KDM4D: variants seen among roughly 807,000 people sequenced by gnomAD.
KDM4D encodes the protein lysine demethylase 4D.
For missense variants in KDM4D, 427 were observed against 674.8 expected, an observed-to-expected ratio of 0.63 and a Z score of 4.07; for synonymous variants, 254 against 249.1, an observed-to-expected ratio of 1.02 and a Z score of -0.19.
rs1555099502 is a variant in KDM4D at position 94,998,263 on chromosome 11, T to C, written c.891T>C (p.Thr297=). Residue 297 remains threonine (T), a synonymous_variant, in exon 3 of 3, where the codon ACT becomes ACC. Coordinates refer to ENST00000335080, the MANE Select transcript of KDM4D (RefSeq NM_018039.3). This position sits in a 1 kb window ranked among gnomAD's most constrained non-coding sequence, Gnocchi z 6.7. ...GCGCAGAGGCCATCAATTTTGCCAC[T>C]CCGCGATGGATTGATTATGGCAAAA... is the stretch of plus-strand genomic sequence containing the variant. ...FNCAEAINFA[T]PRWIDYGKMA... The C allele has an allele frequency of 3.7e-6, 6 of 1,614,108 alleles. No homozygotes were observed. Among genetic ancestry groups the C allele is most frequent in the Admixed American group, 1.7e-5 (1 of 60,010 alleles).
In KDM4D at chr11:94,978,297, A is replaced by C. The variant is rs587734149; in HGVS notation, c.-350+2549A>C. On this transcript the variant is annotated intron_variant, in intron 2 of 2. Transcript: ENST00000335080. ...GTTTCTTTGTGGCTTTTAAATAGGA[A>C]TACGAAAAAAAAAATGCCCACATGT... is the stretch of plus-strand genomic sequence containing the variant. 1.1e-4 allele frequency among the ~76,000 whole-genome samples: 16 copies of C among 152,322 alleles called. No homozygotes were observed. In the South Asian group the frequency reaches 3.3e-3, roughly 32 times the overall value.
chr11:94,979,024 C>G (rs1484811450), intron 2 of KDM4D, among the ~76,000 whole-genome samples: 1 of 152,020 alleles, frequency 6.6e-6, no homozygotes, highest in Non-Finnish European at 1.5e-5. Flanking sequence ...CAACATTGAT[C>G]TACTATATAA....
At position 94,998,065 on chromosome 11, in the gene KDM4D, C is replaced by T. The variant is rs1857989898; in HGVS notation, c.693C>T (p.Phe231=). The part of the protein sequence containing the change: ...QRLERLAREL[F]PGSSRGCGAF... ...TGGAACGCCTGGCCAGGGAGCTCTT[C>T]CCAGGCAGTTCCCGGGGTTGTGGGG... The change falls in exon 3 of 3, where the codon TTC becomes TTT. Residue 231 remains phenylalanine (F), a synonymous_variant. Coordinates refer to ENST00000335080, the MANE Select transcript of KDM4D (RefSeq NM_018039.3). The surrounding 1 kb of genome is among the most constrained non-coding windows in gnomAD (Gnocchi z 6.7). 1 of 1,614,038 alleles carries T rather than the reference C, an allele frequency of 6.2e-7. No homozygotes were observed. Among genetic ancestry groups the T allele is most frequent in the South Asian group, 1.1e-5 (1 of 91,080 alleles).
rs782608673 is a variant in KDM4D at position 94,998,730 on chromosome 11, G to T, written c.1358G>T (p.Arg453Leu). 1 of 1,614,068 alleles carries T rather than the reference G, an allele frequency of 6.2e-7. No individual in the cohort carries two copies. The highest frequency in any genetic ancestry group is 1.7e-5 in the Admixed American group (1 of 60,026). The change falls in exon 3 of 3, where the codon CGT (arginine) becomes CTT (leucine). Residue 453 changes from arginine (R) to leucine (L), a missense_variant. Transcript: ENST00000335080. This position sits in a 1 kb window ranked among gnomAD's most constrained non-coding sequence, Gnocchi z 6.7. ...IIHPSNGRRG[R>L]GRPPQKLRAQ... ...CACCCGTCAAATGGCAGACGTGGTC[G>T]TGGTCGCCCTCCTCAGAAACTGAGA...
chr11:94,980,155 G>A (rs1436913952), intron 2 of KDM4D, among the ~76,000 whole-genome samples: 1 of 152,072 alleles, frequency 6.6e-6, no homozygotes, highest in African/African-American at 2.4e-5. Context: ...CTTTTAGAGT[G>A]GTTCAATTAT....
chr11:94,989,306 G>A lies in KDM4D; in HGVS notation c.-349-7718G>A, dbSNP rs764490810. ...GACATGTATTTAAAATGTATTGACAGTCCAAAGAAGCATATATTAGATAAT... is the reference window on the plus strand; with the variant it reads ...GACATGTATTTAAAATGTATTGACAATCCAAAGAAGCATATATTAGATAAT... On this transcript the variant is annotated intron_variant, in intron 2 of 2. Coordinates refer to ENST00000335080, the MANE Select transcript of KDM4D (RefSeq NM_018039.3). 4.1e-4 allele frequency among the ~76,000 whole-genome samples: 62 copies of A among 152,258 alleles called. No homozygotes were observed. The Middle Eastern group carries it at 0.017, about 42-fold the overall frequency.
intron 1 of KDM4D, among the ~76,000 whole-genome samples, chr11:94,974,890 T>C (rs889689859): frequency 2.6e-5 from 4 of 152,226 alleles, no homozygotes; most frequent in Non-Finnish European, 2.9e-5. Flanking sequence ...CAGTGTTGCA[T>C]ATAGCCAAGA....
chr11:94,989,987 C>T (rs369723016), intron 2 of KDM4D, among the ~76,000 whole-genome samples: 33 of 152,124 alleles, frequency 2.2e-4, no homozygotes, highest in African/African-American at 7.7e-4. Flanking sequence ...TTGAACTCCT[C>T]ACCTCAGGTG....
chr11:94,988,564 G>A (rs1269575502), intron 2 of KDM4D, among the ~76,000 whole-genome samples: 4 of 152,180 alleles, frequency 2.6e-5, no homozygotes, highest in African/African-American at 9.7e-5. Context: ...GAAGGGCAGT[G>A]AGAGACAGTG....
At chr11:94,977,388 C>T (rs587692568) in intron 2 of KDM4D, among the ~76,000 whole-genome samples, 4 of 152,294 alleles carry the variant, frequency 2.6e-5, no homozygotes, top group African/African-American at 9.6e-5. Context: ...CTTTCCCCTA[C>T]CTCTTTGACC....
At chr11:94,995,487 GTTCATCTAC>G (rs1246727850) in intron 2 of KDM4D, among the ~76,000 whole-genome samples, 1 of 152,216 alleles carries the variant, frequency 6.6e-6, no homozygotes, top group Admixed American at 6.5e-5. Flanking sequence ...GAACAGTCAA[GTTCATCTAC>G]TTGGGAAGGA....
At chr11:94,981,462 C>T (rs1487154162) in intron 2 of KDM4D, among the ~76,000 whole-genome samples, 6 of 151,886 alleles carry the variant, frequency 4.0e-5, no homozygotes, top group African/African-American at 1.4e-4. Flanking sequence ...TTGGTGTAGC[C>T]ATCTGGGCCT....
In KDM4D at chr11:94,998,601, C is replaced by T. The variant is rs1193290132; in HGVS notation, c.1229C>T (p.Ala410Val). Residue 410 changes from alanine to valine, a missense_variant, in exon 3 of 3, where the codon GCA (alanine) becomes GTA (valine). Transcript: ENST00000335080. This position sits in a 1 kb window ranked among gnomAD's most constrained non-coding sequence, Gnocchi z 6.7. ...LVCSSLPRRSAVSGTATQPRA... is the reference protein window; with the variant it reads ...LVCSSLPRRSVVSGTATQPRA... ...TGCTCTTCACTCCCACGCCGATCTG[C>T]AGTTAGTGGCACTGCTACGCAGCCC... The T allele has an allele frequency of 6.2e-7, 1 of 1,614,124 alleles. No individual in the cohort carries two copies. The highest frequency in any genetic ancestry group is 8.5e-7 in the Non-Finnish European group (1 of 1,180,038).
intron 2 of KDM4D, among the ~76,000 whole-genome samples, chr11:94,993,227 A>T (rs1857950265): frequency 6.6e-6 from 1 of 152,194 alleles, no homozygotes; most frequent in Non-Finnish European, 1.5e-5. Flanking sequence ...GGGATCAAGT[A>T]TTATTTTTTA....
intron 2 of KDM4D, among the ~76,000 whole-genome samples, chr11:94,995,033 T>C (rs587667630): frequency 4.6e-5 from 7 of 152,226 alleles, no homozygotes; most frequent in Non-Finnish European, 1.0e-4. Flanking sequence ...GTGTAATCAA[T>C]AGGTGACAGA....
intron 2 of KDM4D, among the ~76,000 whole-genome samples, chr11:94,994,567 A>C (rs1857961043): frequency 6.6e-6 from 1 of 152,116 alleles, no homozygotes; most frequent in African/African-American, 2.4e-5. Context: ...GAAAAGAACC[A>C]GTGTTAAAAG....
chr11:94,988,929 C>T (rs1007226694), intron 2 of KDM4D, among the ~76,000 whole-genome samples: 10 of 152,210 alleles, frequency 6.6e-5, no homozygotes, highest in East Asian at 5.8e-4. Context: ...TCAAGATGCA[C>T]GTCATGCAAC....
chr11:94,998,375 C>G lies in KDM4D; in HGVS notation c.1003C>G (p.Leu335Val), dbSNP rs782698550. ...CATCCTGCAACCTGAACGCTATGACCTGTGGAAACGTGGGCAAGACCGGGC... is the reference window on the plus strand; with the variant it reads ...CATCCTGCAACCTGAACGCTATGACGTGTGGAAACGTGGGCAAGACCGGGC... ...VRILQPERYD[L>V]WKRGQDRAVV... Residue 335 changes from leucine to valine, a missense_variant, in exon 3 of 3, where the codon CTG (leucine) becomes GTG (valine). Leu to Val is a conservative substitution (Grantham distance 32). Transcript: ENST00000335080. The surrounding 1 kb of genome is among the most constrained non-coding windows in gnomAD (Gnocchi z 6.7). 1.3e-5 allele frequency: 21 copies of G among 1,614,064 alleles called. No individual in the cohort carries two copies. The highest frequency in any genetic ancestry group is 1.7e-5 in the Non-Finnish European group (20 of 1,180,046).
intron 2 of KDM4D, among the ~76,000 whole-genome samples, chr11:94,989,524 T>C (rs587632150): frequency 6.6e-6 from 1 of 152,294 alleles, no homozygotes; most frequent in South Asian, 2.1e-4. Context: ...GAAATAATAA[T>C]GCTGCACTTA....
Sources: allele counts gnomAD v4.1 joint callset (sites outside exome capture counted in the v4.1 genomes callset), GRCh38; gene constraint gnomAD v4.1.1; non-coding constraint Gnocchi (gnomAD v3.1); transcripts MANE v1.5; gene names NCBI Gene and HGNC (gene_info 2026-07-23, HGNC 2026-07-21).